Variants in LMLN observed in about 807,000 individuals in gnomAD.
The protein encoded by LMLN is leishmanolysin like peptidase, also known as leishmanolysin-like peptidase.
LMLN carries 70 observed loss-of-function variants against 92.3 expected under a neutral mutation model. The observed-to-expected ratio is 0.76, with a 90% CI of 0.63 to 0.92. LMLN has a LOEUF of 0.92. Ranked by LOEUF, LMLN falls within the 40% of genes least tolerant of loss-of-function variation. The pLI, the probability that LMLN is intolerant of heterozygous loss-of-function variation, is 0.00. For synonymous variants in LMLN, 308 were observed against 296.2 expected (o/e 1.04, Z -0.41); for missense variants, 691 against 814.6 (o/e 0.85, Z 1.85).
chr3:197,973,004 C>A (rs1374597961), intron 1 of LMLN, among the ~76,000 whole-genome samples: 1 of 152,124 alleles, frequency 6.6e-6, no homozygotes, highest in Admixed American at 6.5e-5. Flanking sequence ...GACTTCCTGC[C>A]ACTCCAAGAG....
At chr3:197,989,535 T>C (rs1721806607) in intron 8 of LMLN, among the ~76,000 whole-genome samples, 1 of 152,244 alleles carries the variant, frequency 6.6e-6, no homozygotes, top group Non-Finnish European at 1.5e-5. Context: ...TGTTTCCTTA[T>C]ATACTTGGAT....
chr3:197,973,213 C>G (rs1445462286), intron 1 of LMLN, among the ~76,000 whole-genome samples: 2 of 151,832 alleles, frequency 1.3e-5, no homozygotes, highest in Non-Finnish European at 2.9e-5. Context: ...TAAAATGTAC[C>G]ATATCCATTT....
At chr3:198,032,711 G>T (rs1363323432) in intron 14 of LMLN, among the ~76,000 whole-genome samples, 1 of 152,106 alleles carries the variant, frequency 6.6e-6, no homozygotes, top group Non-Finnish European at 1.5e-5. Context: ...TTCCTGTGGG[G>T]AGGGCACCAA....
intron 11 of LMLN, chr3:197,999,570 G>C: frequency 2.0e-6 from 1 of 508,140 alleles, no homozygotes; most frequent in Non-Finnish European, 3.5e-6. Context: ...CACTCCTTCT[G>C]CGCAGGCTGG....
At chr3:198,035,231 G>T (rs1031334160) in intron 14 of LMLN, among the ~76,000 whole-genome samples, 1 of 150,844 alleles carries the variant, frequency 6.6e-6, no homozygotes, top group Non-Finnish European at 1.5e-5. Context: ...GTATGTGTGT[G>T]CCCCCTTGTA....
intron 10 of LMLN, among the ~76,000 whole-genome samples, chr3:197,996,820 G>A (rs947174419): frequency 2.0e-5 from 3 of 152,064 alleles, no homozygotes; most frequent in African/African-American, 4.8e-5. Flanking sequence ...CCAGGCTGGA[G>A]TGCTGCAGCT....
chr3:198,014,327 C>T (rs1169490986), intron 11 of LMLN, among the ~76,000 whole-genome samples: 6 of 111,850 alleles, frequency 5.4e-5, no homozygotes, highest in African/African-American at 1.9e-4. Context: ...CTTCAGAGCC[C>T]CCTAACTAGT....
In LMLN at chr3:198,031,487, G is replaced by A. The variant is rs1314610408; in HGVS notation, c.1657-4346G>A. ...CCAAAACAGCACATTTTGGGGTGGC[G>A]TGTTCTGCCGTCCTTCAATAGCTTG... On this transcript the variant is annotated intron_variant, in intron 14 of 15. Transcript: ENST00000330198. The surrounding 1 kb of genome is among the most constrained non-coding windows in gnomAD (Gnocchi z 4.8). Among the ~76,000 whole-genome samples, 3 of 152,118 alleles carry A rather than the reference G, an allele frequency of 2.0e-5. No homozygotes were observed. Among genetic ancestry groups the A allele is most frequent in the African/African-American group, 7.2e-5 (3 of 41,420 alleles).
intron 1 of LMLN, among the ~76,000 whole-genome samples, chr3:197,964,399 GTTT>G (rs1302604124): frequency 1.4e-5 from 2 of 146,740 alleles, no homozygotes; most frequent in Non-Finnish European, 3.0e-5. Flanking sequence ...TTTGTTTTTT[GTTT>G]TTTGTTTTTT....
intron 14 of LMLN, among the ~76,000 whole-genome samples, chr3:198,034,764 A>G (rs559698077): frequency 6.6e-6 from 1 of 152,348 alleles, no homozygotes; most frequent in Non-Finnish European, 1.5e-5. Flanking sequence ...TAAGGTCTGG[A>G]TAAAATTCCT....
intron 11 of LMLN, among the ~76,000 whole-genome samples, chr3:198,012,135 G>A (rs140251915): frequency 1.4e-3 from 209 of 152,136 alleles, no homozygotes; most frequent in African/African-American, 4.8e-3. Context: ...GTGCAATCTC[G>A]GCTCACTGCA....
At chr3:198,014,093 C>T (rs1156296320) in intron 11 of LMLN, among the ~76,000 whole-genome samples, 1 of 146,156 alleles carries the variant, frequency 6.8e-6, no homozygotes, top group African/African-American at 2.6e-5. Flanking sequence ...CTTCTCTGTA[C>T]CCTTCAGAGT....
chr3:197,975,912 A>G (rs1721364293), intron 3 of LMLN, 117 bp from the exon 4 acceptor site: 1 of 611,416 alleles, frequency 1.6e-6, no homozygotes, highest in Admixed American at 3.3e-5. Context: ...ACTAACTAAT[A>G]TCTGTATTCC....
At chr3:198,033,604 GT>G (rs1007426110) in intron 14 of LMLN, among the ~76,000 whole-genome samples, 3 of 151,970 alleles carry the variant, frequency 2.0e-5, no homozygotes, top group Non-Finnish European at 4.4e-5. Flanking sequence ...GTTTCACCAG[GT>G]TGGCCAGGCT....
rs765241580 is a variant in LMLN, at chr3:197,976,115, T to C, written c.431+4T>C. ...CGGGCACTATCTTACTTAGCAGGTA[T>C]GTCACATGAAACACAGATCATTTTC... On this transcript the variant is annotated splice_donor_region_variant and intron_variant, in intron 4 of 15. Coordinates refer to ENST00000330198, the Ensembl canonical transcript of LMLN. 1 of 1,576,818 alleles carries C rather than the reference T, an allele frequency of 6.3e-7. No homozygotes were observed.
chr3:197,972,589 A>G (rs1721260222), intron 1 of LMLN, among the ~76,000 whole-genome samples: 1 of 151,668 alleles, frequency 6.6e-6, no homozygotes. Context: ...TTTTTCCCCC[A>G]TTGTGGATCT....
chr3:198,035,879 C>T (rs774054817), exon 15 of LMLN: 1 of 1,614,032 alleles, frequency 6.2e-7, no homozygotes, highest in Non-Finnish European at 8.5e-7. Flanking sequence ...CAAGATACTT[C>T]ATATTTGTGT....
chr3:197,992,174 A>G (rs1490987660), intron 9 of LMLN, among the ~76,000 whole-genome samples: 1 of 151,928 alleles, frequency 6.6e-6, no homozygotes, highest in Non-Finnish European at 1.5e-5. Flanking sequence ...ATATAGATGT[A>G]TACACACATC....
intron 8 of LMLN, among the ~76,000 whole-genome samples, chr3:197,987,183 G>T (rs796161620): frequency 8.2e-5 from 8 of 97,396 alleles, no homozygotes; most frequent in African/African-American, 3.2e-4. Context: ...TTTTTGAGAC[G>T]GAGTCTCGCT....
Sources: gnomAD v4.1 joint callset for allele counts (sites outside exome capture counted in the v4.1 genomes callset) on GRCh38, gnomAD v4.1.1 for gene constraint, Gnocchi (gnomAD v3.1) non-coding constraint, MANE v1.5 for transcripts, NCBI Gene and HGNC (gene_info 2026-07-23, HGNC 2026-07-21) for gene names.